ABL1: variants seen among roughly 807,000 people sequenced by gnomAD.
ABL1 encodes the protein ABL proto-oncogene 1, non-receptor tyrosine kinase.
ABL1 carries 11 observed loss-of-function variants against 94.7 expected under a neutral mutation model. That is an observed-to-expected ratio of 0.12 (90% CI 0.07 to 0.19). The LOEUF is 0.19. ABL1 is among the 10% of genes least tolerant of loss of function. The pLI is 1.00. For synonymous variants in ABL1, 656 were observed against 622.4 expected (o/e 1.05, Z -0.80); for missense variants, 1,082 against 1,489.4 (o/e 0.73, Z 4.50).
At chr9:130,714,537 T>C (rs552171540) in intron 1 of ABL1, 2 of 1,545,334 alleles carry the variant, frequency 1.3e-6, no homozygotes, top group South Asian at 2.2e-5. Context: ...ACAACAGTAC[T>C]TGCGACAGTT....
intron 1 of ABL1, among the ~76,000 whole-genome samples, chr9:130,776,955 G>T (rs1400452808): frequency 6.6e-6 from 1 of 151,942 alleles, no homozygotes; most frequent in African/African-American, 2.4e-5. Flanking sequence ...TGGATTTTGG[G>T]AGATTTCTTT....
At chr9:130,753,776 A>G (rs1260130631) in intron 1 of ABL1, among the ~76,000 whole-genome samples, 2 of 152,040 alleles carry the variant, frequency 1.3e-5, no homozygotes, top group Non-Finnish European at 2.9e-5. Context: ...TAACCCCGGC[A>G]CCTAGTATCA....
At chr9:130,822,515 C>T (rs1422323892) in intron 1 of ABL1, among the ~76,000 whole-genome samples, 1 of 146,786 alleles carries the variant, frequency 6.8e-6, no homozygotes, top group African/African-American at 2.5e-5. Context: ...CTCCTGGGCT[C>T]AAGTGCTCCT....
chr9:130,814,673 C>G lies in ABL1; in HGVS notation c.137-39391C>G, dbSNP rs186660152. On this transcript the variant is annotated intron_variant, in intron 1 of 10. Transcript: ENST00000372348. The surrounding 1 kb of genome is among the most constrained non-coding windows in gnomAD (Gnocchi z 4.4). ...TGGGCGGATCACGAGGTCAGGAGAC[C>G]GAGACCATCCTTGCTAACACGGTGA... Among the ~76,000 whole-genome samples, 1 of 151,656 alleles carries G rather than the reference C, an allele frequency of 6.6e-6. No individual in the cohort carries two copies. The highest frequency in any genetic ancestry group is 2.4e-5 in the African/African-American group (1 of 41,274).
intron 1 of ABL1, among the ~76,000 whole-genome samples, chr9:130,801,779 G>A (rs1333887543): frequency 6.6e-6 from 1 of 152,068 alleles, no homozygotes; most frequent in Non-Finnish European, 1.5e-5. Flanking sequence ...TTGGGTCCTT[G>A]TTCTCATCTG....
At chr9:130,725,006 C>T (rs992061358) in intron 1 of ABL1, 2 of 275,154 alleles carry the variant, frequency 7.3e-6, no homozygotes, top group African/African-American at 2.2e-5. Context: ...ACAACGTGTG[C>T]ATCATATTGC....
rs1307588333 is a variant in ABL1, at chr9:130,877,692, G to A, written c.1271-723G>A. On this transcript the variant is annotated intron_variant, in intron 7 of 10. Transcript: ENST00000318560. ...GTCTTGCTCTGTCGCCCAGGCTGGC[G>A]TGCAGTGGAGCAATATCAGCTCACT... 5.5e-5 allele frequency among the ~76,000 whole-genome samples: 8 copies of A among 145,740 alleles called. No individual in the cohort carries two copies. The East Asian group carries it at 9.7e-4, about 18-fold the overall frequency.
intron 1 of ABL1, among the ~76,000 whole-genome samples, chr9:130,720,852 G>A (rs1588209695): frequency 6.6e-6 from 1 of 152,192 alleles, no homozygotes; most frequent in South Asian, 2.1e-4. Context: ...ATATGGGGGT[G>A]TGAGAGGGGC....
chr9:130,752,983 G>A (rs1332890419), intron 1 of ABL1, among the ~76,000 whole-genome samples: 3 of 149,960 alleles, frequency 2.0e-5, no homozygotes, highest in Middle Eastern at 3.4e-3. Context: ...AGGGCTGGGC[G>A]CAGTGGCTCA....
chr9:130,887,145 G>T lies in ABL1; in HGVS notation c.*1462G>T. 4.3e-6 allele frequency: 1 copy of T among 233,224 alleles called. No individual in the cohort carries two copies. Among genetic ancestry groups the T allele is most frequent in the East Asian group, 6.0e-5 (1 of 16,586 alleles). 14.4% of individuals were successfully genotyped at this position (233,224 alleles called of 1,614,324 possible). A position where few individuals can be genotyped will look rare whatever the true frequency, so the allele number is the denominator to read the frequency against. ...CAGGTGGCCGCCCCTGAGGCTTCAC[G>T]CCGGGAGAAGCCACCTTCCCACCCC... On this transcript the variant is annotated 3_prime_UTR_variant, in exon 11 of 11. Transcript: ENST00000318560.
intron 7 of ABL1, 88 bp from the exon 8 acceptor site, chr9:130,878,327 G>A (rs915139615): frequency 1.3e-6 from 2 of 1,488,460 alleles, no homozygotes; most frequent in African/African-American, 2.8e-5. Flanking sequence ...TCCCTTCTGA[G>A]GTCTGCTGCA....
In ABL1 at chr9:130,735,215, C is replaced by T. The variant is rs753335788; in HGVS notation, c.136+20760C>T. On this transcript the variant is annotated intron_variant, in intron 1 of 10. Coordinates refer to the ABL1 transcript ENST00000372348. ...TGGCTAATTTTTGTATTTTTAGTAG[C>T]GATGGGGTTTCACCATGTTGGCCAG... Among the ~76,000 whole-genome samples, 15 of 151,732 alleles carry T rather than the reference C, an allele frequency of 9.9e-5. No homozygotes were observed. The South Asian group carries it at 2.7e-3, about 27-fold the overall frequency.
intron 1 of ABL1, among the ~76,000 whole-genome samples, chr9:130,820,039 C>G (rs573677256): frequency 5.9e-5 from 9 of 152,036 alleles, no homozygotes; most frequent in Non-Finnish European, 1.3e-4. Flanking sequence ...GGACTTCAGT[C>G]ACTGCAGTTC....
intron 1 of ABL1, among the ~76,000 whole-genome samples, chr9:130,825,700 A>C (rs532786082): frequency 1.3e-5 from 2 of 152,350 alleles, no homozygotes; most frequent in African/African-American, 4.8e-5. Flanking sequence ...ATTTGGTAAA[A>C]AGGTAAAGGG....
At position 130,759,026 on chromosome 9, in the gene ABL1, G is replaced by T. The variant is rs897929057; in HGVS notation, c.136+44571G>T. Among the ~76,000 whole-genome samples, 13 of 152,142 alleles carry T rather than the reference G, an allele frequency of 8.5e-5. 1 individual carries two copies. Among genetic ancestry groups the T allele is most frequent in the African/African-American group, 2.9e-4 (12 of 41,442 alleles). On this transcript the variant is annotated intron_variant, in intron 1 of 10. Coordinates refer to the ABL1 transcript ENST00000372348. ...CTCTTTCGGTCCGAACACTGAGCTGGTCATTGCTGTTTGTCGTATAAAATC... is the reference window on the plus strand; with the variant it reads ...CTCTTTCGGTCCGAACACTGAGCTGTTCATTGCTGTTTGTCGTATAAAATC...
At position 130,884,319 on chromosome 9, in the gene ABL1, G is replaced by A. The variant is rs564161762; in HGVS notation, c.2029G>A (p.Gly677Arg). ...CCCCAATGGAGCCCTCCGGGAGTCC[G>A]GGGGCTCAGGCTTCCGGTCTCCCCA... is the stretch of plus-strand genomic sequence containing the variant. ...GVPNGALRESGGSGFRSPHLW... is the reference protein window; with the variant it reads ...GVPNGALRESRGSGFRSPHLW... Residue 677 changes from glycine (G) to arginine (R), a missense_variant, in exon 11 of 11, where the codon GGG (glycine) becomes AGG (arginine). Physicochemically the swap from Gly to Arg is moderately radical, Grantham distance 125 (BLOSUM62 -2). This residue lies in a region of ABL1 where 780 missense variants were observed against 835.8 expected (regional missense o/e 0.93). Transcript: ENST00000318560. This position sits in a 1 kb window ranked among gnomAD's most constrained non-coding sequence, Gnocchi z 5.6. 6.8e-6 allele frequency: 11 copies of A among 1,610,610 alleles called. No homozygotes were observed. The highest frequency in any genetic ancestry group is 6.7e-5 in the African/African-American group (5 of 74,976).
chr9:130,853,706 T>C (rs1426058724), intron 1 of ABL1, among the ~76,000 whole-genome samples: 5 of 152,222 alleles, frequency 3.3e-5, no homozygotes, highest in Non-Finnish European at 5.9e-5. Context: ...TGAGCCACCA[T>C]GCCCGGCTAA....
intron 1 of ABL1, among the ~76,000 whole-genome samples, chr9:130,824,755 AT>A (rs1830403916): frequency 6.6e-6 from 1 of 152,168 alleles, no homozygotes; most frequent in Admixed American, 6.5e-5. Flanking sequence ...CTTTCCTGCC[AT>A]CACCACAGTG....
At chr9:130,777,163 T>C (rs909668939) in intron 1 of ABL1, among the ~76,000 whole-genome samples, 6 of 152,258 alleles carry the variant, frequency 3.9e-5, no homozygotes, top group African/African-American at 1.4e-4. Context: ...TCCTGAATTA[T>C]CTGTTTCCTT....
Sources: gnomAD v4.1 joint callset for allele counts (sites outside exome capture counted in the v4.1 genomes callset) on GRCh38, gnomAD v4.1.1 for gene constraint, gnomAD v4.1.1 regional missense constraint, Gnocchi (gnomAD v3.1) non-coding constraint, MANE v1.5 for transcripts, NCBI Gene and HGNC (gene_info 2026-07-23, HGNC 2026-07-21) for gene names.